The following ARMCX4 variants were observed in gnomAD, a reference collection of about 807,000 sequenced individuals.
ARMCX4 encodes armadillo repeat containing X-linked 4.
ARMCX4 carries 3 observed loss-of-function variants against 34.7 expected under a neutral mutation model. The ratio of observed to expected loss-of-function variants is 0.09; its 90% CI spans 0.04 to 0.22. The LOEUF is 0.22. Ranked by LOEUF, ARMCX4 falls within the 10% of genes least tolerant of loss-of-function variation. The pLI is 1.00. For synonymous variants in ARMCX4, 513 were observed against 632.8 expected (o/e 0.81, Z 2.84); for missense variants, 1,448 against 1,720.8 (o/e 0.84, Z 2.81).
intron 11 of ARMCX4, among the ~76,000 whole-genome samples, chrX:101,519,837 C>CT (rs1178280010): frequency 1.4e-4 from 15 of 107,365 alleles, no homozygotes; most frequent in East Asian, 8.7e-4. Flanking sequence ...CACTGGTTAT[C>CT]TTTTTTTTTT....
intron 11 of ARMCX4, among the ~76,000 whole-genome samples, chrX:101,512,458 C>A (rs1177761545): frequency 9.0e-6 from 1 of 111,596 alleles, no homozygotes; most frequent in Non-Finnish European, 1.9e-5. Flanking sequence ...GCCTCAAATT[C>A]CTGAGCTTCT....
chrX:101,500,030 T>A (rs1934261382), downstream of ARMCX4, among the ~76,000 whole-genome samples: 1 of 111,910 alleles, frequency 8.9e-6, no homozygotes. Flanking sequence ...CTCTGGTCCT[T>A]CCATTTACTC....
chrX:101,432,912 AC>A (rs1930238801), intron 2 of ARMCX4, among the ~76,000 whole-genome samples: 1 of 90,037 alleles, frequency 1.1e-5, no homozygotes, highest in Non-Finnish European at 2.3e-5. Flanking sequence ...ATATACACAC[AC>A]GTATACATAC....
intron 2 of ARMCX4, among the ~76,000 whole-genome samples, chrX:101,428,303 T>C (rs1403128287): frequency 1.8e-5 from 2 of 112,357 alleles, no homozygotes; most frequent in Non-Finnish European, 3.8e-5. Context: ...TACTGTATTA[T>C]TACATTTATA....
At chrX:101,449,707 T>A (rs1432653898), downstream of ARMCX4, among the ~76,000 whole-genome samples, 2 of 112,385 alleles carry the variant, frequency 1.8e-5, no homozygotes, top group East Asian at 5.6e-4. Flanking sequence ...CCAGAATTGG[T>A]GCCTGGTGCC....
At chrX:101,439,334 A>T (rs1931067764) in intron 2 of ARMCX4, among the ~76,000 whole-genome samples, 1 of 111,635 alleles carries the variant, frequency 9.0e-6, no homozygotes, top group Admixed American at 9.6e-5. Flanking sequence ...TTCTGCCGAG[A>T]GATCCGCTGT....
chrX:101,493,959 T>C lies in ARMCX4; in HGVS notation c.5370T>C (p.Ser1790=), dbSNP rs1416786994. 2.2e-6 allele frequency: 2 copies of C among 913,354 alleles called. No individual in the cohort carries two copies. Among genetic ancestry groups the C allele is most frequent in the Non-Finnish European group, 2.7e-6 (2 of 731,815 alleles). 75.3% of individuals were successfully genotyped at this position (913,354 alleles called of 1,213,427 possible). A position where few individuals can be genotyped will look rare whatever the true frequency, so the allele number is the denominator to read the frequency against. ...CSRIEAENKA[S]SGSWIRSEEV... is the part of the protein sequence containing the mutation. ...GGATTGAGGCTGAGAACAAGGCTAGTAGTGGCTCCTGGATTAGATCTGAGG... is the reference window on the plus strand; with the variant it reads ...GGATTGAGGCTGAGAACAAGGCTAGCAGTGGCTCCTGGATTAGATCTGAGG... The change falls in exon 6 of 6, where the codon AGT becomes AGC. Residue 1790 remains serine (S), a synonymous_variant. Transcript: ENST00000423738.
chrX:101,428,594 C>T (rs1368828650), intron 2 of ARMCX4, among the ~76,000 whole-genome samples: 2 of 111,656 alleles, frequency 1.8e-5, no homozygotes, highest in African/African-American at 6.5e-5. Flanking sequence ...TGACCCTTTC[C>T]TATATTTCTT....
chrX:101,494,450 A>G lies in ARMCX4; in HGVS notation c.5861A>G (p.Asn1954Ser), dbSNP rs1199642584. ...VDIGSWFCAG[N>S]ENTSEDKSAP... ...ATAGGGTCTTGGTTCTGTGCTGGTA[A>G]TGAAAACACAAGTGAGGACAAATCT... Residue 1954 changes from asparagine to serine, a missense_variant, in exon 6 of 6, where the codon AAT becomes AGT. Physicochemically the swap from Asn to Ser is conservative, Grantham distance 46. Transcript: ENST00000423738. 1.7e-6 allele frequency: 2 copies of G among 1,155,569 alleles called. No individual in the cohort carries two copies. The highest frequency in any genetic ancestry group is 2.3e-6 in the Non-Finnish European group (2 of 872,787).
chrX:101,501,641 CT>C (rs1419595933), intron 7 of ARMCX4, among the ~76,000 whole-genome samples: 8 of 112,496 alleles, frequency 7.1e-5, no homozygotes, highest in African/African-American at 2.6e-4. Context: ...TTTATACCCA[CT>C]CATAATTATA....
At chrX:101,449,468 T>A (rs781843025), downstream of ARMCX4, among the ~76,000 whole-genome samples, 2 of 112,251 alleles carry the variant, frequency 1.8e-5, no homozygotes, top group Non-Finnish European at 3.8e-5. Context: ...TCCTTTCTTC[T>A]TCATCATCCA....
chrX:101,528,056 C>T (rs782806226), intron 11 of ARMCX4, among the ~76,000 whole-genome samples: 105 of 111,814 alleles, frequency 9.4e-4, no homozygotes, highest in African/African-American at 3.2e-3. Context: ...ACCAATATCC[C>T]TGATGAACAT....
In ARMCX4 at chrX:101,490,733, A is replaced by T. The variant is rs782407037; in HGVS notation, c.2144A>T (p.Asn715Ile). ...TCTGTCCAGCCCCAGATTGTGGCCA[A>T]TTCCCAGGGTGAGGTCTTGCCTGGT... The part of the protein sequence containing the change: ...TGSVQPQIVA[N>I]SQGEVLPGAK... Residue 715 changes from asparagine (N) to isoleucine (I), a missense_variant, in exon 6 of 6, where the codon AAT (asparagine) becomes ATT (isoleucine). Physicochemically the swap from Asn to Ile is moderately radical, Grantham distance 149 (BLOSUM62 -3). This residue lies in a region of ARMCX4 where 1,343 missense variants were observed against 1,540.7 expected (regional missense o/e 0.87). Coordinates refer to ENST00000423738, the MANE Select transcript of ARMCX4 (RefSeq NM_001256155.3). 1.6e-5 allele frequency: 19 copies of T among 1,152,159 alleles called. No individual in the cohort carries two copies. In the East Asian group the frequency reaches 5.6e-4, roughly 34 times the overall value. The allele number at this position is 1,152,159 out of a possible 1,213,427, so 95.0% of individuals were successfully genotyped here.
chrX:101,501,923 C>T (rs1934308221), intron 7 of ARMCX4, among the ~76,000 whole-genome samples: 1 of 112,102 alleles, frequency 8.9e-6, no homozygotes, highest in Non-Finnish European at 1.9e-5. Context: ...GATGTCCTAT[C>T]TCAGTATTAG....
In ARMCX4 at chrX:101,490,738, C is replaced by A; in HGVS notation, c.2149C>A (p.Gln717Lys). ...CCAGCCCCAGATTGTGGCCAATTCC[C>A]AGGGTGAGGTCTTGCCTGGTGCCAA... ...SVQPQIVANSQGEVLPGAKNK... is the reference protein window; with the variant it reads ...SVQPQIVANSKGEVLPGAKNK... The change falls in exon 6 of 6, where the codon CAG (glutamine) becomes AAG (lysine). Residue 717 changes from glutamine to lysine, a missense_variant. By Grantham distance (53) the Gln-to-Lys change is moderately conservative (BLOSUM62 1). Transcript: ENST00000423738. The A allele has an allele frequency of 8.7e-7, 1 of 1,151,911 alleles. No individual in the cohort carries two copies. The highest frequency in any genetic ancestry group is 1.8e-5 in the African/African-American group (1 of 55,733). The allele number at this position is 1,151,911 out of a possible 1,213,427, so 94.9% of individuals were successfully genotyped here.
chrX:101,456,319 A>G (rs782752771), intron 4 of ARMCX4, among the ~76,000 whole-genome samples: 138 of 111,794 alleles, frequency 1.2e-3, no homozygotes, highest in African/African-American at 4.4e-3. Flanking sequence ...CAGCCTCATC[A>G]ACACCTGTTT....
chrX:101,520,471 T>A (rs1490644261), intron 11 of ARMCX4, among the ~76,000 whole-genome samples: 7 of 112,199 alleles, frequency 6.2e-5, no homozygotes, highest in African/African-American at 2.3e-4. Flanking sequence ...TTTTTTATTA[T>A]GAGGAGTGTT....
chrX:101,451,338 A>G (rs1603144799), downstream of ARMCX4, among the ~76,000 whole-genome samples: 1 of 111,559 alleles, frequency 9.0e-6, no homozygotes, highest in Non-Finnish European at 1.9e-5. Flanking sequence ...GCTTTCTGCT[A>G]TAACGGGGCA....
chrX:101,473,655 C>G (rs1933021679), intron 4 of ARMCX4, among the ~76,000 whole-genome samples: 1 of 106,752 alleles, frequency 9.4e-6, no homozygotes, highest in African/African-American at 3.4e-5. Context: ...TTAAGAATCT[C>G]ACTCAAAACC....
Sources: gnomAD v4.1 joint callset for allele counts (sites outside exome capture counted in the v4.1 genomes callset) on GRCh38, gnomAD v4.1.1 for gene constraint, gnomAD v4.1.1 regional missense constraint, MANE v1.5 for transcripts, NCBI Gene and HGNC (gene_info 2026-07-23, HGNC 2026-07-21) for gene names.